The following ITGB5 variants were observed in gnomAD, a reference collection of about 807,000 sequenced individuals.
The protein encoded by ITGB5 is integrin subunit beta 5, also known as integrin beta-5.
ITGB5 carries 38 observed loss-of-function variants against 84.8 expected under a neutral mutation model. The observed-to-expected ratio is 0.45, with a 90% confidence interval of 0.35 to 0.59. The LOEUF (loss-of-function observed/expected upper bound fraction) is 0.59, where lower values mean the gene tolerates loss of function less well. ITGB5 is among the 20% of genes least tolerant of loss of function. The pLI is 0.01. For missense variants in ITGB5, 905 were observed against 1,034.5 expected, an observed-to-expected ratio of 0.87 and a Z score of 1.72; for synonymous variants, 393 against 414.4, an observed-to-expected ratio of 0.95 and a Z score of 0.63.
intron 2 of ITGB5, among the ~76,000 whole-genome samples, chr3:124,871,668 A>T (rs1270666): frequency 0.84 from 127,887 of 151,588 alleles, 54,299 homozygotes; most frequent in African/African-American, 0.95. Flanking sequence ...TCTAAAAGAT[A>T]TTTTTTCAAT....
At chr3:124,828,301 T>C (rs2064812513) in intron 5 of ITGB5, among the ~76,000 whole-genome samples, 1 of 152,160 alleles carries the variant, frequency 6.6e-6, no homozygotes, top group South Asian at 2.1e-4. Flanking sequence ...GATGAATGGA[T>C]ACATAAACTG....
Position 124,805,573 on chromosome 3 carries a change from T to C in ITGB5, c.1263+3449A>G, listed in dbSNP as rs193128636. ...CTTAAGCCATCCTCTGGCCTCAGCCTCCTGAGCAGCTGGGACCACAGGTGT... is the reference window on the plus strand; with the variant it reads ...CTTAAGCCATCCTCTGGCCTCAGCCCCCTGAGCAGCTGGGACCACAGGTGT... On this transcript the variant is annotated intron_variant, in intron 9 of 14. Coordinates refer to ENST00000296181, the MANE Select transcript of ITGB5 (RefSeq NM_002213.5). Among the ~76,000 whole-genome samples the C allele has an allele frequency of 4.6e-3, 698 of 152,262 alleles. 6 individuals carry two copies. The highest frequency in any genetic ancestry group is 0.013 in the South Asian group (63 of 4,820).
chr3:124,796,897 G>A, intron 9 of ITGB5, 80 bp from the exon 10 acceptor site: 13 of 1,411,458 alleles, frequency 9.2e-6, no homozygotes, highest in African/African-American at 1.4e-5. Context: ...GGCCCTTGAT[G>A]AAGAGCAGCT....
At chr3:124,880,694 G>A (rs1265245842) in intron 1 of ITGB5, among the ~76,000 whole-genome samples, 1 of 152,148 alleles carries the variant, frequency 6.6e-6, no homozygotes, top group Non-Finnish European at 1.5e-5. Flanking sequence ...CTGGGAGGCT[G>A]AGGCAGGCAG....
upstream of ITGB5, among the ~76,000 whole-genome samples, chr3:124,888,612 C>A (rs755059460): frequency 3.3e-5 from 5 of 152,222 alleles, no homozygotes; most frequent in South Asian, 1.0e-3. Flanking sequence ...TCATTTCATC[C>A]TCCGACAACC....
At chr3:124,779,593 C>T (rs961478890) in intron 10 of ITGB5, among the ~76,000 whole-genome samples, 3 of 152,128 alleles carry the variant, frequency 2.0e-5, no homozygotes, top group African/African-American at 7.2e-5. Context: ...CAGTGGAGTG[C>T]GGTGGTTAAC....
At chr3:124,841,260 C>T in intron 5 of ITGB5, 123 bp downstream of exon 5, 4 of 883,488 alleles carry the variant, frequency 4.5e-6, no homozygotes, top group Non-Finnish European at 6.9e-6. Flanking sequence ...CACCCTCTGA[C>T]TTCAGAGTGG....
chr3:124,818,863 T>TG lies in ITGB5; in HGVS notation c.1038+875dup, dbSNP rs534803832. On this transcript the variant is annotated intron_variant, in intron 7 of 14. Transcript: ENST00000296181. ...AAACACAATCAGACAAAGGTTCTTTTGTGGACATTCAAGAGCAAGAAGGAG... is the reference window on the plus strand; with the variant it reads ...AAACACAATCAGACAAAGGTTCTTTTGGTGGACATTCAAGAGCAAGAAGGAG... Among the ~76,000 whole-genome samples, 309 of 152,294 alleles carry TG rather than the reference T, an allele frequency of 2.0e-3. 2 individuals are homozygous for TG. The highest frequency in any genetic ancestry group is 3.4e-3 in the Non-Finnish European group (234 of 68,016).
At chr3:124,779,329 G>A (rs1406040895) in intron 10 of ITGB5, among the ~76,000 whole-genome samples, 1 of 152,146 alleles carries the variant, frequency 6.6e-6, no homozygotes, top group Non-Finnish European at 1.5e-5. Context: ...AAAAGAGGGA[G>A]CAAAGGGGAT....
Position 124,894,136 on chromosome 3 carries a change from T to C in ITGB5, c.-255+7130A>G, listed in dbSNP as rs557148896. On this transcript the variant is annotated intron_variant, in intron 1 of 4. Transcript: ENST00000608657. Reference sequence around the variant, plus strand: ...ATAGTAAAAGTTGTGATATTTTTCTTTTTTTTTTTTTTTTTTGAGACAGAG... The same window carrying C: ...ATAGTAAAAGTTGTGATATTTTTCTCTTTTTTTTTTTTTTTTGAGACAGAG... Among the ~76,000 whole-genome samples the C allele has an allele frequency of 1.4e-4, 17 of 122,896 alleles. 1 individual carries two copies. The East Asian group carries it at 4.2e-3, about 30-fold the overall frequency. 80.6% of individuals were successfully genotyped at this position (122,896 alleles called of 152,430 possible).
chr3:124,896,825 C>T (rs1358919858), intron 1 of ITGB5, among the ~76,000 whole-genome samples: 1 of 149,648 alleles, frequency 6.7e-6, no homozygotes, highest in Non-Finnish European at 1.5e-5. Flanking sequence ...TTTTGGGAAG[C>T]TGAGGTGAGA....
At chr3:124,820,110 T>C (rs2064677755) in intron 6 of ITGB5, among the ~76,000 whole-genome samples, 1 of 152,154 alleles carries the variant, frequency 6.6e-6, no homozygotes, top group Non-Finnish European at 1.5e-5. Context: ...AGGTTTTCCA[T>C]ATCTTGTCTG....
At chr3:124,850,549 G>T (rs1400482835) in intron 3 of ITGB5, among the ~76,000 whole-genome samples, 1 of 107,252 alleles carries the variant, frequency 9.3e-6, no homozygotes, top group African/African-American at 3.6e-5. Flanking sequence ...ACCATGGGGT[G>T]GGGGGAGGGG....
At chr3:124,797,493 G>A (rs1037903960) in intron 9 of ITGB5, among the ~76,000 whole-genome samples, 10 of 152,226 alleles carry the variant, frequency 6.6e-5, no homozygotes, top group African/African-American at 2.4e-4. Flanking sequence ...CTGATGAAAT[G>A]CACCATGCAC....
chr3:124,860,173 T>C (rs2065276281), intron 2 of ITGB5, among the ~76,000 whole-genome samples: 1 of 152,220 alleles, frequency 6.6e-6, no homozygotes, highest in Non-Finnish European at 1.5e-5. Flanking sequence ...AGAAACTCTA[T>C]GTGATATATA....
chr3:124,869,710 C>A (rs1432152626), intron 2 of ITGB5, among the ~76,000 whole-genome samples: 6 of 152,206 alleles, frequency 3.9e-5, no homozygotes, highest in African/African-American at 1.2e-4. Context: ...ATAGGAATTT[C>A]TTCAGCTAAG....
At chr3:124,883,531 G>T (rs1934673218) in intron 1 of ITGB5, among the ~76,000 whole-genome samples, 1 of 152,152 alleles carries the variant, frequency 6.6e-6, no homozygotes, top group Non-Finnish European at 1.5e-5. Flanking sequence ...TACCTACAGA[G>T]AGCTGCAGAC....
At position 124,763,560 on chromosome 3, in the gene ITGB5, G is replaced by C; in HGVS notation, c.*63C>G. The C allele has an allele frequency of 1.0e-6, 1 of 996,500 alleles. No homozygotes were observed. 61.7% of individuals were successfully genotyped at this position (996,500 alleles called of 1,614,324 possible). A position where few individuals can be genotyped will look rare whatever the true frequency, so the allele number is the denominator to read the frequency against. ...AGCTGTGATCAAGCCGAGCAGCCGT[G>C]CAAGGCGTTTCAGTCTGACCTTTTC... is the stretch of plus-strand genomic sequence containing the variant. On this transcript the variant is annotated 3_prime_UTR_variant, in exon 15 of 15. Coordinates refer to ENST00000296181, the MANE Select transcript of ITGB5 (RefSeq NM_002213.5).
intron 5 of ITGB5, among the ~76,000 whole-genome samples, chr3:124,834,326 C>T (rs973361538): frequency 2.1e-4 from 31 of 151,206 alleles, no homozygotes; most frequent in Non-Finnish European, 3.4e-4. Context: ...GCGCAGTGGT[C>T]AGAGGGAAGT....
Sources: allele counts gnomAD v4.1 joint callset (sites outside exome capture counted in the v4.1 genomes callset), GRCh38; gene constraint gnomAD v4.1.1; transcripts MANE v1.5; gene names NCBI Gene and HGNC (gene_info 2026-07-23, HGNC 2026-07-21).